NIF3L1: variants seen among roughly 807,000 people sequenced by gnomAD.
The protein encoded by NIF3L1 is NIF3-like protein 1.
Under a neutral mutation model 35.0 loss-of-function variants are expected in NIF3L1, and 26 were observed. That is an observed-to-expected ratio of 0.74 (90% CI 0.54 to 1.03). The LOEUF is 1.03. Ranked by LOEUF, NIF3L1 falls within the 50% of genes least tolerant of loss-of-function variation. The probability of loss-of-function intolerance (pLI) is 0.00; values close to 1 mark genes in which losing one functional copy is unlikely to be tolerated. For synonymous variants in NIF3L1, 157 were observed against 178.9 expected, an observed-to-expected ratio of 0.88 and a Z score of 0.98; for missense variants, 449 against 466.3, an observed-to-expected ratio of 0.96 and a Z score of 0.34.
chr2:200,892,708 T>G (rs2040227687), intron 2 of NIF3L1, among the ~76,000 whole-genome samples: 1 of 152,196 alleles, frequency 6.6e-6, no homozygotes, highest in Admixed American at 6.5e-5. Flanking sequence ...AGAATACACT[T>G]GATTGATAAG....
chr2:200,890,742 GTAGATACT>G (rs1183840863), intron 1 of NIF3L1, among the ~76,000 whole-genome samples: 1 of 152,074 alleles, frequency 6.6e-6, no homozygotes, highest in Non-Finnish European at 1.5e-5. Flanking sequence ...CTTGTTGGAT[GTAGATACT>G]TAGAAGGCTT....
chr2:200,900,655 T>A (rs1236836524), intron 6 of NIF3L1, among the ~76,000 whole-genome samples: 2 of 152,332 alleles, frequency 1.3e-5, no homozygotes, highest in East Asian at 3.9e-4. Flanking sequence ...AAACAAAACA[T>A]GTATGTGACT....
chr2:200,896,954 G>A (rs2040326524), intron 4 of NIF3L1, 122 bp from the exon 5 acceptor site: 8 of 910,480 alleles, frequency 8.8e-6, no homozygotes, highest in South Asian at 8.7e-5. Context: ...TGTCAGGTTT[G>A]TATCCCCACA....
At chr2:200,890,828 G>T (rs1166922167) in intron 1 of NIF3L1, among the ~76,000 whole-genome samples, 2 of 152,100 alleles carry the variant, frequency 1.3e-5, no homozygotes, top group African/African-American at 4.8e-5. Flanking sequence ...CCTTTGTGTA[G>T]CAAATGTTGC....
At chr2:200,896,910 C>T (rs763255314) in intron 4 of NIF3L1, among the ~76,000 whole-genome samples, 166 bp from the exon 5 acceptor site, 17 of 152,176 alleles carry the variant, frequency 1.1e-4, no homozygotes, top group Non-Finnish European at 2.5e-4. Context: ...CATCTGCCTT[C>T]CTAGAAAACT....
intron 6 of NIF3L1, among the ~76,000 whole-genome samples, chr2:200,900,687 GA>G (rs1308944575): frequency 1.3e-5 from 2 of 152,122 alleles, no homozygotes; most frequent in Non-Finnish European, 2.9e-5. Flanking sequence ...TATATTTTCT[GA>G]AGATAAAAGA....
chr2:200,891,847 A>G (rs1005541044), intron 1 of NIF3L1, 71 bp from the exon 2 acceptor site: 27 of 903,406 alleles, frequency 3.0e-5, no homozygotes, highest in Admixed American at 2.2e-4. Flanking sequence ...TCTTTTGCCC[A>G]TATGTTTTGA....
Position 200,903,589 on chromosome 2 carries a change from GA to G in NIF3L1, c.1046del (p.Asp349AlafsTer14), listed in dbSNP as rs762866268. The G allele has an allele frequency of 1.9e-5, 31 of 1,613,850 alleles. No individual in the cohort carries two copies. Among genetic ancestry groups the G allele is most frequent in the Admixed American group, 5.0e-5 (3 of 60,000 alleles). On this transcript the variant is annotated frameshift_variant, in exon 7 of 7. Transcript: ENST00000409020. LOFTEE classifies it high-confidence loss of function. ...CAACACTGAACGAGGCTTTCTTTCT[GA>G]CCTTCGAGATATGCTGGATTCTCAC... Reference protein sequence around the residue: ...HSNTERGFLSDLRDMLDSHLE... With the variant: ...HSNTERGFLSXLRDMLDSHLE...
rs182254947 is a variant in NIF3L1, at chr2:200,892,303, A to G, written c.360A>G (p.Arg120=). ...TGGTGATCCGGGCTCTGGAGAACAG[A>G]GTCGGTATCTACTCTCCTCATACAG... ...ERLVIRALEN[R]VGIYSPHTAY... Residue 120 remains arginine, a synonymous_variant, in exon 2 of 7, where the codon AGA becomes AGG. Transcript: ENST00000409020. 82 of 1,613,904 alleles carry G rather than the reference A, an allele frequency of 5.1e-5. 1 individual carries two copies. The highest frequency in any genetic ancestry group is 1.6e-4 in the Middle Eastern group (1 of 6,062).
chr2:200,893,289 C>T lies in NIF3L1; in HGVS notation c.480C>T (p.Asn160=), dbSNP rs201916129. ...SRPIHPSKAP[N]YPTEGNHRVE... Reference sequence around the variant, plus strand: ...CCATACATCCTTCCAAAGCTCCCAACTACCCTACAGAGGGAAACCACCGAG... The same window carrying T: ...CCATACATCCTTCCAAAGCTCCCAATTACCCTACAGAGGGAAACCACCGAG... The change falls in exon 3 of 7, where the codon AAC becomes AAT. Residue 160 remains asparagine, a synonymous_variant. Coordinates refer to ENST00000409020, the MANE Select transcript of NIF3L1 (RefSeq NM_001369441.2). The T allele has an allele frequency of 6.3e-7, 1 of 1,590,570 alleles. No individual in the cohort carries two copies. Among genetic ancestry groups the T allele is most frequent in the Non-Finnish European group, 8.6e-7 (1 of 1,167,032 alleles).
chr2:200,893,176 T>A (rs1195406681), intron 2 of NIF3L1, 70 bp from the exon 3 acceptor site: 2 of 1,272,382 alleles, frequency 1.6e-6, no homozygotes, highest in Non-Finnish European at 2.1e-6. Flanking sequence ...ATTTTGCCTA[T>A]AATAGTTTAC....
intron 6 of NIF3L1, among the ~76,000 whole-genome samples, chr2:200,902,186 A>G (rs1423395776): frequency 1.3e-5 from 2 of 152,204 alleles, no homozygotes; most frequent in Non-Finnish European, 2.9e-5. Context: ...TCAAAATTGT[A>G]CTTTTTAAAG....
At chr2:200,899,515 A>G (rs769597451) in intron 6 of NIF3L1, 47 bp downstream of exon 6, 6 of 1,470,520 alleles carry the variant, frequency 4.1e-6, no homozygotes, top group Non-Finnish European at 5.7e-6. Flanking sequence ...TGCAAAATCA[A>G]AAATGGCAAA....
intron 1 of NIF3L1, among the ~76,000 whole-genome samples, chr2:200,890,076 G>T (rs993405390): frequency 6.6e-6 from 1 of 152,166 alleles, no homozygotes; most frequent in Admixed American, 6.6e-5. Context: ...GATCTTTCAA[G>T]GCCGGACGCA....
intron 6 of NIF3L1, among the ~76,000 whole-genome samples, chr2:200,901,797 A>G (rs2040413315): frequency 6.6e-6 from 1 of 152,138 alleles, no homozygotes; most frequent in South Asian, 2.1e-4. Context: ...CATTGGCTTC[A>G]GCTATTATTG....
At chr2:200,891,429 G>A (rs1284063407) in intron 1 of NIF3L1, among the ~76,000 whole-genome samples, 1 of 152,158 alleles carries the variant, frequency 6.6e-6, no homozygotes, top group East Asian at 1.9e-4. Context: ...TTAGCATAAT[G>A]GGCACACACA....
In NIF3L1 at chr2:200,892,274, C is replaced by T. The variant is rs775423226; in HGVS notation, c.331C>T (p.Arg111Cys). The T allele has an allele frequency of 5.0e-6, 8 of 1,613,964 alleles. No homozygotes were observed. The African/African-American group carries it at 5.3e-5, about 11-fold the overall frequency. The change falls in exon 2 of 7, where the codon CGC (arginine) becomes TGC (cysteine). Residue 111 changes from arginine to cysteine, a missense_variant. By Grantham distance (180) the Arg-to-Cys change is radical (BLOSUM62 -3). Transcript: ENST00000409020. Reference sequence around the variant, plus strand: ...CATAACCTGGAACACATGGAAGGAGCGCCTGGTGATCCGGGCTCTGGAGAA... The same window carrying T: ...CATAACCTGGAACACATGGAAGGAGTGCCTGGTGATCCGGGCTCTGGAGAA... ...KRITWNTWKE[R>C]LVIRALENRV...
intron 4 of NIF3L1, 38 bp from the exon 5 acceptor site, chr2:200,897,038 A>T: frequency 6.2e-7 from 1 of 1,606,938 alleles, no homozygotes; most frequent in Non-Finnish European, 8.5e-7. Flanking sequence ...TTTTAGGACT[A>T]ACAATGCACA....
chr2:200,890,089 G>T (rs2040140754), intron 1 of NIF3L1, among the ~76,000 whole-genome samples: 1 of 152,202 alleles, frequency 6.6e-6, no homozygotes, highest in Admixed American at 6.5e-5. Context: ...CGGACGCAGT[G>T]GCTCACCCCT....
Sources: allele counts gnomAD v4.1 joint callset (sites outside exome capture counted in the v4.1 genomes callset), GRCh38; gene constraint gnomAD v4.1.1; transcripts MANE v1.5; gene names NCBI Gene and HGNC (gene_info 2026-07-23, HGNC 2026-07-21).